The following WDR7 variants were observed in gnomAD, a reference collection of about 807,000 sequenced individuals.
WDR7 encodes WD repeat domain 7.
Under a neutral mutation model 169.4 loss-of-function variants are expected in WDR7, and 46 were observed. The ratio of observed to expected loss-of-function variants is 0.27; its 90% CI spans 0.21 to 0.35. The LOEUF (loss-of-function observed/expected upper bound fraction) is 0.35. Ranked by LOEUF, WDR7 falls within the 10% of genes least tolerant of loss-of-function variation. The pLI is 1.00. For missense variants in WDR7, 1,534 were observed against 1,859.3 expected (o/e 0.83, Z 3.22); for synonymous variants, 612 against 666.8 (o/e 0.92, Z 1.27).
intron 20 of WDR7, among the ~76,000 whole-genome samples, chr18:56,838,476 G>T (rs1380772741): frequency 6.6e-6 from 1 of 152,136 alleles, no homozygotes; most frequent in East Asian, 1.9e-4. Context: ...AATCTTTAGT[G>T]ACTAAATTTC....
At position 56,885,988 on chromosome 18, in the gene WDR7, C is replaced by T. The variant is rs574766027; in HGVS notation, c.3526+5823C>T. 2.0e-5 allele frequency among the ~76,000 whole-genome samples: 3 copies of T among 152,238 alleles called. No individual in the cohort carries two copies. The South Asian group carries it at 6.2e-4, about 32-fold the overall frequency. On this transcript the variant is annotated intron_variant, in intron 21 of 27. Transcript: ENST00000254442. ...ATGACCTGAGACCTAAATGACCTCT[C>T]CTGTTTAAACCTAAGAATAATTGGT...
At chr18:56,731,775 G>A (rs76548903) in intron 14 of WDR7, among the ~76,000 whole-genome samples, 178 bp downstream of exon 14, 6,017 of 152,164 alleles carry the variant, frequency 0.04, 367 homozygotes, top group African/African-American at 0.13. Flanking sequence ...TGGCATTTTG[G>A]AAAAGTATAT....
At chr18:56,872,482 C>G (rs891654292) in intron 20 of WDR7, among the ~76,000 whole-genome samples, 4 of 152,054 alleles carry the variant, frequency 2.6e-5, no homozygotes, top group Non-Finnish European at 4.4e-5. Context: ...GTCAATTATG[C>G]TAAATCTGAA....
intron 25 of WDR7, among the ~76,000 whole-genome samples, 190 bp from the exon 26 acceptor site, chr18:56,962,240 A>G (rs950052167): frequency 1.3e-5 from 2 of 152,072 alleles, no homozygotes; most frequent in African/African-American, 4.8e-5. Flanking sequence ...TTTTTCTTTC[A>G]GCTAATTTTC....
At chr18:56,752,925 T>C (rs1054668254) in intron 14 of WDR7, among the ~76,000 whole-genome samples, 3 of 152,196 alleles carry the variant, frequency 2.0e-5, no homozygotes, top group African/African-American at 7.2e-5. Flanking sequence ...AATACAAATG[T>C]CTGAAACTAC....
chr18:56,824,420 G>A (rs143209334), intron 20 of WDR7, among the ~76,000 whole-genome samples: 1,809 of 152,224 alleles, frequency 0.012, 24 homozygotes, highest in Non-Finnish European at 0.015. Flanking sequence ...TTACCTTCTT[G>A]TATGCCTAGC....
chr18:56,991,984 TA>T (rs1293530542), intron 26 of WDR7, among the ~76,000 whole-genome samples: 1 of 152,258 alleles, frequency 6.6e-6, no homozygotes, highest in Non-Finnish European at 1.5e-5. Context: ...TTCTTCTAAT[TA>T]ATCATATTAA....
intron 26 of WDR7, among the ~76,000 whole-genome samples, chr18:56,976,662 A>T (rs990387740): frequency 1.3e-5 from 2 of 152,206 alleles, no homozygotes; most frequent in African/African-American, 4.8e-5. Flanking sequence ...ACCTATGCAG[A>T]GGATACCATC....
rs940150252 is a variant in WDR7, at chr18:57,028,066, C to T, written c.*859C>T. 3.3e-5 allele frequency: 5 copies of T among 152,190 alleles called. No individual in the cohort carries two copies. Among genetic ancestry groups the T allele is most frequent in the African/African-American group, 1.2e-4 (5 of 41,438 alleles). The allele number at this position is 152,190 out of a possible 1,614,324, so 9.4% of individuals were successfully genotyped here. A position where few individuals can be genotyped will look rare whatever the true frequency, so the allele number is the denominator to read the frequency against. On this transcript the variant is annotated 3_prime_UTR_variant, in exon 28 of 28. Transcript: ENST00000254442. ...GTACCGAAAATGAAGACTCTCCTATCTACTGCTACAGATCCTGTTGAAGAA... is the reference window on the plus strand; with the variant it reads ...GTACCGAAAATGAAGACTCTCCTATTTACTGCTACAGATCCTGTTGAAGAA...
intron 2 of WDR7, among the ~76,000 whole-genome samples, chr18:56,678,985 T>G (rs1347562283): frequency 6.6e-6 from 1 of 152,240 alleles, no homozygotes; most frequent in South Asian, 2.1e-4. Flanking sequence ...CAAGCACCCC[T>G]GTGTCCACCT....
intron 12 of WDR7, among the ~76,000 whole-genome samples, chr18:56,709,602 G>A (rs561989527): frequency 6.6e-6 from 1 of 152,284 alleles, no homozygotes; most frequent in East Asian, 1.9e-4. Context: ...ACTCATCCAA[G>A]TCAGACAGTT....
intron 25 of WDR7, among the ~76,000 whole-genome samples, chr18:56,940,438 C>A (rs1262781188): frequency 1.3e-5 from 2 of 152,098 alleles, no homozygotes; most frequent in Admixed American, 1.3e-4. Flanking sequence ...AATTTAAAAA[C>A]ATAAACACAA....
At chr18:56,745,351 G>A (rs774627905) in intron 14 of WDR7, among the ~76,000 whole-genome samples, 4 of 152,172 alleles carry the variant, frequency 2.6e-5, no homozygotes, top group Non-Finnish European at 5.9e-5. Flanking sequence ...GTTCATAATA[G>A]TGTGACATCT....
At chr18:56,696,154 C>A in intron 11 of WDR7, 88 bp from the exon 12 acceptor site, 1 of 1,069,242 alleles carries the variant, frequency 9.4e-7, no homozygotes, top group Non-Finnish European at 1.3e-6. Flanking sequence ...TAATTTGTAG[C>A]TATTCTAAAC....
In WDR7 at chr18:56,691,066, C is replaced by T. The variant is rs907695274; in HGVS notation, c.718-150C>T. 6 of 1,081,454 alleles carry T rather than the reference C, an allele frequency of 5.5e-6. No homozygotes were observed. The African/African-American group carries it at 6.6e-5, about 12-fold the overall frequency. The allele number at this position is 1,081,454 out of a possible 1,614,324, so 67.0% of individuals were successfully genotyped here. A position where few individuals can be genotyped will look rare whatever the true frequency, so the allele number is the denominator to read the frequency against. On this transcript the variant is annotated intron_variant, in intron 7 of 27. Coordinates refer to ENST00000254442, the MANE Select transcript of WDR7 (RefSeq NM_015285.3). ...CTTCCCTATTGAAGGTGACCTCTCC[C>T]AGGGCTTATTGACAAACTTTCTTTA...
chr18:56,692,463 T>C (rs1447999504), intron 9 of WDR7, among the ~76,000 whole-genome samples: 3 of 151,116 alleles, frequency 2.0e-5, no homozygotes, highest in Non-Finnish European at 4.4e-5. Flanking sequence ...TTAATTGATG[T>C]TCTAGGTTTC....
At chr18:57,024,379 A>T (rs1599256201) in intron 27 of WDR7, among the ~76,000 whole-genome samples, 1 of 152,286 alleles carries the variant, frequency 6.6e-6, no homozygotes, top group East Asian at 1.9e-4. Flanking sequence ...TTATTGGAAA[A>T]ATTAATACCG....
rs73438791 is a variant in WDR7, at chr18:56,926,594, A to G, written c.3713+2486A>G. Among the ~76,000 whole-genome samples the G allele has an allele frequency of 2.6e-3, 393 of 152,324 alleles. 2 individuals carry two copies. The highest frequency in any genetic ancestry group is 9.2e-3 in the African/African-American group (382 of 41,572). ...AAAGATGTGCTTAGGTCTTATCTAC[A>G]TGTAGTTTGTCCACAGACACAAACA... On this transcript the variant is annotated intron_variant, in intron 22 of 27. Coordinates refer to ENST00000254442, the MANE Select transcript of WDR7 (RefSeq NM_015285.3).
intron 12 of WDR7, among the ~76,000 whole-genome samples, chr18:56,710,517 T>C (rs2026064376): frequency 6.6e-6 from 1 of 152,236 alleles, no homozygotes; most frequent in Non-Finnish European, 1.5e-5. Flanking sequence ...ACCTTGGGTA[T>C]TTAATTGTTC....
Sources: gnomAD v4.1 joint callset for allele counts (sites outside exome capture counted in the v4.1 genomes callset) on GRCh38, gnomAD v4.1.1 for gene constraint, MANE v1.5 for transcripts, NCBI Gene and HGNC (gene_info 2026-07-23, HGNC 2026-07-21) for gene names.